COQ7: variants seen among roughly 807,000 people sequenced by gnomAD.
The protein encoded by COQ7 is NADPH-dependent 3-demethoxyubiquinone 3-hydroxylase, mitochondrial.
COQ7 carries 21 observed loss-of-function variants against 25.0 expected under a neutral mutation model. The ratio of observed to expected loss-of-function variants is 0.84; its 90% CI spans 0.60 to 1.21. The LOEUF (loss-of-function observed/expected upper bound fraction) is 1.21. COQ7 is among the 50% of genes most tolerant of loss of function. The pLI is 0.00. For missense variants in COQ7, 311 were observed against 296.2 expected (o/e 1.05, Z -0.37); for synonymous variants, 125 against 112.4 (o/e 1.11, Z -0.71).
chr16:19,075,688 CTT>C (rs764721355), intron 3 of COQ7, 31 bp from the exon 4 acceptor site: 1 of 1,535,822 alleles, frequency 6.5e-7, no homozygotes, highest in Admixed American at 2.1e-5. Flanking sequence ...ATATCTGTCT[CTT>C]ACTTTTCTGG....
At chr16:19,081,232 C>CGA (rs1229331195), downstream of COQ7, among the ~76,000 whole-genome samples, 2 of 152,144 alleles carry the variant, frequency 1.3e-5, no homozygotes, top group Non-Finnish European at 2.9e-5. Flanking sequence ...AATTCAGAAA[C>CGA]TATTTGTGAG....
At chr16:19,077,185 T>G in intron 4 of COQ7, 121 bp from the exon 5 acceptor site, 1 of 793,292 alleles carries the variant, frequency 1.3e-6, no homozygotes, top group Non-Finnish European at 2.2e-6. Context: ...CTCTGGCCCT[T>G]TAGAGGAAAA....
At position 19,072,014 on chromosome 16, in the gene COQ7, C is replaced by T. The variant is rs199844241; in HGVS notation, c.160C>T (p.Arg54Trp). ...TCGGGCAGCTGTGGATCGAATAATC[C>T]GGGTGGATCATGCAGGCGAATATGG... ...ISRAAVDRIIRVDHAGEYGAN... is the reference protein window; with the variant it reads ...ISRAAVDRIIWVDHAGEYGAN... The change falls in exon 2 of 6, where the codon CGG becomes TGG. Residue 54 changes from arginine (R) to tryptophan (W), a missense_variant. Physicochemically the swap from Arg to Trp is moderately radical, Grantham distance 101. Transcript: ENST00000321998. 9 of 1,614,144 alleles carry T rather than the reference C, an allele frequency of 5.6e-6. No homozygotes were observed. Among genetic ancestry groups the T allele is most frequent in the East Asian group, 2.2e-5 (1 of 44,886 alleles).
chr16:19,077,649 T>G (rs562426551), intron 5 of COQ7, among the ~76,000 whole-genome samples: 1 of 136,966 alleles, frequency 7.3e-6, no homozygotes, highest in Non-Finnish European at 1.5e-5. Context: ...AGTGCAGTGG[T>G]GCAGTCTTAG....
chr16:19,071,747 A>G, intron 1 of COQ7, 181 bp from the exon 2 acceptor site: 1 of 628,126 alleles, frequency 1.6e-6, no homozygotes, highest in Non-Finnish European at 2.7e-6. Context: ...CCAGAAATCC[A>G]GATCTTTAGG....
At chr16:19,077,985 T>G in intron 5 of COQ7, 96 bp from the exon 6 acceptor site, 1 of 816,942 alleles carries the variant, frequency 1.2e-6, no homozygotes, top group Non-Finnish European at 1.9e-6. Context: ...CTATTTCTTA[T>G]CCAGAGAAAT....
chr16:19,073,148 A>G (rs965030741), intron 2 of COQ7, among the ~76,000 whole-genome samples: 6 of 152,186 alleles, frequency 3.9e-5, no homozygotes, highest in African/African-American at 1.2e-4. Flanking sequence ...TCTACTAAAA[A>G]TACAAAACAA....
chr16:19,073,264 G>T (rs1050491683), intron 2 of COQ7, among the ~76,000 whole-genome samples: 1 of 151,812 alleles, frequency 6.6e-6, no homozygotes, highest in Admixed American at 6.6e-5. Flanking sequence ...AGCTGAGATC[G>T]CACCACTGCA....
downstream of COQ7, among the ~76,000 whole-genome samples, chr16:19,082,679 A>T (rs1365776529): frequency 6.6e-6 from 1 of 152,038 alleles, no homozygotes; most frequent in African/African-American, 2.4e-5. Flanking sequence ...AGGCAGGAGA[A>T]TCGCTTGAAC....
chr16:19,067,702 G>A lies in COQ7; in HGVS notation c.38G>A (p.Trp13Ter), dbSNP rs1962293980. ...GGGGCGGCGGCGGCTCCCCGCCTTT[G>A]GCGGCTGCGCCCGGGGGCCCGGCGG... is the stretch of plus-strand genomic sequence containing the variant. ...CAGAAAAPRL[W>*]RLRPGARRSL... Residue 13 changes from tryptophan (W) to a stop codon, truncating the protein, a stop_gained, in exon 1 of 6, where the codon TGG (tryptophan) becomes TAG (stop). Transcript: ENST00000321998. LOFTEE classifies it high-confidence loss of function. 1.2e-6 allele frequency: 2 copies of A among 1,608,516 alleles called. No individual in the cohort carries two copies. The highest frequency in any genetic ancestry group is 1.7e-6 in the Non-Finnish European group (2 of 1,178,276).
chr16:19,067,758 A>G (rs1962300058), intron 1 of COQ7, 21 bp downstream of exon 1: 2 of 1,597,112 alleles, frequency 1.3e-6, no homozygotes, highest in Non-Finnish European at 1.7e-6. Flanking sequence ...GCGCGCAGTC[A>G]CAGTCCTGCG....
intron 1 of COQ7, 111 bp downstream of exon 1, chr16:19,067,848 C>T: frequency 3.3e-6 from 5 of 1,516,934 alleles, no homozygotes; most frequent in Non-Finnish European, 4.4e-6. Context: ...ACGTCACAGG[C>T]CTGCGACGGA....
At position 19,067,639 on chromosome 16, in the gene COQ7, A is replaced by C. The variant is rs1362187097; in HGVS notation, c.-26A>C. 1 of 1,613,426 alleles carries C rather than the reference A, an allele frequency of 6.2e-7. No homozygotes were observed. The highest frequency in any genetic ancestry group is 1.7e-5 in the Admixed American group (1 of 59,978). ...ACTATTGGCCAGTTCCGTTCAACGA[A>C]GTGGTTGCTTTTTTTAGTTCCGGCA... On this transcript the variant is annotated 5_prime_UTR_variant, in exon 1 of 6. Transcript: ENST00000321998.
chr16:19,074,396 G>A (rs558612877), intron 3 of COQ7, among the ~76,000 whole-genome samples: 2 of 151,766 alleles, frequency 1.3e-5, no homozygotes, highest in Admixed American at 6.6e-5. Context: ...ATGGTGGTGC[G>A]TGCCTGTAAT....
At chr16:19,080,988 A>C (rs1963088141), downstream of COQ7, among the ~76,000 whole-genome samples, 1 of 152,214 alleles carries the variant, frequency 6.6e-6, no homozygotes, top group Non-Finnish European at 1.5e-5. Flanking sequence ...TTCAGGACTC[A>C]TGAAGAGCTG....
intron 4 of COQ7, among the ~76,000 whole-genome samples, chr16:19,077,009 T>G (rs1416560784): frequency 6.6e-6 from 1 of 152,266 alleles, no homozygotes; most frequent in Non-Finnish European, 1.5e-5. Context: ...ACTGTTTAGT[T>G]TTTTAGAGTC....
chr16:19,081,929 C>G (rs1213030801), downstream of COQ7, among the ~76,000 whole-genome samples: 1 of 152,080 alleles, frequency 6.6e-6, no homozygotes, highest in African/African-American at 2.4e-5. Context: ...AAATCTGGAT[C>G]TGGATCAATA....
downstream of COQ7, among the ~76,000 whole-genome samples, chr16:19,081,203 C>G (rs1963092947): frequency 6.6e-6 from 1 of 152,120 alleles, no homozygotes; most frequent in Non-Finnish European, 1.5e-5. Flanking sequence ...TGTATTTGTT[C>G]CTCTGCTGGT....
intron 3 of COQ7, 127 bp downstream of exon 3, chr16:19,074,162 C>T (rs1463512777): frequency 1.5e-5 from 9 of 608,340 alleles, no homozygotes; most frequent in South Asian, 8.8e-5. Flanking sequence ...CATATTTTTC[C>T]GAGGTTAAAT....
Sources: allele counts gnomAD v4.1 joint callset (sites outside exome capture counted in the v4.1 genomes callset), GRCh38; gene constraint gnomAD v4.1.1; transcripts MANE v1.5; gene names NCBI Gene and HGNC (gene_info 2026-07-23, HGNC 2026-07-21).